The following TIAM2 variants were observed in gnomAD, a reference collection of about 807,000 sequenced individuals.
The protein encoded by TIAM2 is TIAM Rac1 associated GEF 2, also known as rho guanine nucleotide exchange factor TIAM2.
Under a neutral mutation model 152.9 loss-of-function variants are expected in TIAM2, and 80 were observed. That is an observed-to-expected ratio of 0.52 (90% CI 0.44 to 0.63). The LOEUF (loss-of-function observed/expected upper bound fraction) is 0.63. Among genes scored for constraint, TIAM2 ranks in the 30% least tolerant of loss-of-function variants. The pLI is 0.00. For synonymous variants in TIAM2, 804 were observed against 838.0 expected, an observed-to-expected ratio of 0.96 and a Z score of 0.70; for missense variants, 1,965 against 2,120.1, an observed-to-expected ratio of 0.93 and a Z score of 1.44.
chr6:155,238,678 G>A (rs1419727074), intron 15 of TIAM2, among the ~76,000 whole-genome samples: 3 of 152,188 alleles, frequency 2.0e-5, no homozygotes, highest in Non-Finnish European at 4.4e-5. Context: ...AGCCTTCCTG[G>A]ACAACCGATT....
chr6:155,006,441 G>T (rs1442004142), intron 1 of TIAM2, among the ~76,000 whole-genome samples: 3 of 151,676 alleles, frequency 2.0e-5, no homozygotes, highest in Admixed American at 1.3e-4. Flanking sequence ...GGCTGAGGTG[G>T]GTGGATCACA....
At chr6:155,056,596 T>C (rs1370709240) in intron 1 of TIAM2, among the ~76,000 whole-genome samples, 1 of 150,364 alleles carries the variant, frequency 6.7e-6, no homozygotes, top group South Asian at 2.2e-4. Flanking sequence ...AGTATAATGA[T>C]ACCATTCATT....
rs1583298447 is a variant in TIAM2, at chr6:155,256,555, A to C, written c.4540A>C (p.Thr1514Pro). 6.2e-7 allele frequency: 1 copy of C among 1,614,164 alleles called. No homozygotes were observed. Among genetic ancestry groups the C allele is most frequent in the Non-Finnish European group, 8.5e-7 (1 of 1,180,018 alleles). Residue 1514 changes from threonine (T) to proline (P), a missense_variant, in exon 27 of 27, where the codon ACC becomes CCC. By Grantham distance (38) the Thr-to-Pro change is conservative. Coordinates refer to ENST00000682666, the MANE Select transcript of TIAM2 (RefSeq NM_012454.4). Reference sequence around the variant, plus strand: ...GTGGACCGGTGAGACTGGCAAGGGAACCTTGCTGGACTCTGACGAGGGCAG... The same window carrying C: ...GTGGACCGGTGAGACTGGCAAGGGACCCTTGCTGGACTCTGACGAGGGCAG... ...NEWTGETGKG[T>P]LLDSDEGSLS...
intron 26 of TIAM2, chr6:155,255,239 C>CT (rs1262211077): frequency 6.6e-6 from 1 of 152,200 alleles, no homozygotes; most frequent in African/African-American, 2.4e-5. Flanking sequence ...ATATTATCAA[C>CT]TTAACAATGG....
At chr6:155,078,806 A>G (rs1305782345) in intron 1 of TIAM2, among the ~76,000 whole-genome samples, 1 of 152,170 alleles carries the variant, frequency 6.6e-6, no homozygotes, top group South Asian at 2.1e-4. Context: ...AATCCTTTTT[A>G]AAGTTCTGAA....
intron 1 of TIAM2, among the ~76,000 whole-genome samples, chr6:155,058,908 T>A (rs1163793970): frequency 6.6e-6 from 1 of 152,158 alleles, no homozygotes; most frequent in East Asian, 1.9e-4. Flanking sequence ...CACAGAGGAA[T>A]GGTATCTAAC....
chr6:155,134,879 G>A (rs9478615), intron 4 of TIAM2, among the ~76,000 whole-genome samples: 36 of 152,012 alleles, frequency 2.4e-4, no homozygotes, highest in South Asian at 1.5e-3. Flanking sequence ...CTAATTTTTC[G>A]TATTTTTTGT....
intron 14 of TIAM2, among the ~76,000 whole-genome samples, chr6:155,206,439 G>A (rs1781597931): frequency 6.6e-6 from 1 of 152,112 alleles, no homozygotes; most frequent in Non-Finnish European, 1.5e-5. Flanking sequence ...GTTTCACCAT[G>A]TTAGCCAGGA....
At chr6:155,034,789 A>G (rs1293603435) in intron 1 of TIAM2, among the ~76,000 whole-genome samples, 1 of 152,144 alleles carries the variant, frequency 6.6e-6, no homozygotes. Context: ...CCAACACAAT[A>G]TATATTGGCT....
chr6:155,045,727 T>C (rs1446496249), intron 1 of TIAM2, among the ~76,000 whole-genome samples: 1 of 151,790 alleles, frequency 6.6e-6, no homozygotes, highest in Non-Finnish European at 1.5e-5. Context: ...CAGCGGGTGG[T>C]GCCACAGTGC....
intron 1 of TIAM2, among the ~76,000 whole-genome samples, chr6:155,004,551 C>T (rs561131394): frequency 1.6e-4 from 24 of 152,196 alleles, no homozygotes; most frequent in African/African-American, 4.8e-4. Flanking sequence ...CCCGCCACTA[C>T]GCCCAGCTCA....
intron 1 of TIAM2, among the ~76,000 whole-genome samples, chr6:155,023,042 GT>G (rs762200760): frequency 0.045 from 3,968 of 88,186 alleles, 117 homozygotes; most frequent in African/African-American, 0.12. Flanking sequence ...TTTTTGTTCT[GT>G]TTTTTTTTTT....
intron 1 of TIAM2, among the ~76,000 whole-genome samples, chr6:155,025,615 G>A (rs1038620425): frequency 6.6e-6 from 1 of 151,860 alleles, no homozygotes; most frequent in Non-Finnish European, 1.5e-5. Flanking sequence ...CACTGCACCC[G>A]GGCAAAGAGG....
intron 14 of TIAM2, among the ~76,000 whole-genome samples, chr6:155,210,992 G>A (rs1298218301): frequency 3.3e-5 from 5 of 152,134 alleles, no homozygotes; most frequent in Non-Finnish European, 7.4e-5. Flanking sequence ...ACCAAAACAG[G>A]CAGATGTTGC....
At chr6:155,010,829 G>A (rs993799235) in intron 1 of TIAM2, among the ~76,000 whole-genome samples, 7 of 152,050 alleles carry the variant, frequency 4.6e-5, no homozygotes, top group Non-Finnish European at 7.4e-5. Flanking sequence ...CAGGTGATCC[G>A]CCCGCCTCGG....
intron 2 of TIAM2, among the ~76,000 whole-genome samples, chr6:155,090,845 A>C (rs895307638): frequency 3.3e-5 from 5 of 152,166 alleles, no homozygotes; most frequent in Non-Finnish European, 7.3e-5. Flanking sequence ...TTAGGAAGCC[A>C]CTGAGGAAAG....
At chr6:155,073,177 T>G (rs1475705650) in intron 1 of TIAM2, among the ~76,000 whole-genome samples, 1 of 149,332 alleles carries the variant, frequency 6.7e-6, no homozygotes, top group Non-Finnish European at 1.5e-5. Flanking sequence ...TTTTTTTTTT[T>G]TTTTAGACTA....
chr6:155,131,659 A>C (rs1447068505), intron 4 of TIAM2, among the ~76,000 whole-genome samples: 1 of 151,152 alleles, frequency 6.6e-6, no homozygotes, highest in Non-Finnish European at 1.5e-5. Context: ...GGCTCACTGC[A>C]ACCTCTGCCT....
At chr6:155,152,202 C>T (rs2115073452) in intron 7 of TIAM2, among the ~76,000 whole-genome samples, 1 of 152,272 alleles carries the variant, frequency 6.6e-6, no homozygotes. Context: ...TGTTGCTCAA[C>T]CAGGATATGC....
Sources: gnomAD v4.1 joint callset for allele counts (sites outside exome capture counted in the v4.1 genomes callset) on GRCh38, gnomAD v4.1.1 for gene constraint, MANE v1.5 for transcripts, NCBI Gene and HGNC (gene_info 2026-07-23, HGNC 2026-07-21) for gene names.